The following FRY variants were observed in gnomAD, a reference collection of about 807,000 sequenced individuals.
FRY encodes the protein FRY microtubule binding protein.
In FRY, 128 loss-of-function variants were observed where a neutral mutation model predicts 348.4. The observed-to-expected ratio is 0.37, with a 90% CI of 0.32 to 0.43. The LOEUF (loss-of-function observed/expected upper bound fraction) is 0.43. Ranked by LOEUF, FRY falls within the 20% of genes least tolerant of loss-of-function variation. The pLI is 1.00. For missense variants in FRY, 2,736 were observed against 3,695.2 expected (o/e 0.74, Z 6.73); for synonymous variants, 1,370 against 1,374.7 (o/e 1.00, Z 0.08).
At chr13:32,245,859 A>G (rs935305356) in intron 47 of FRY, among the ~76,000 whole-genome samples, 2 of 152,234 alleles carry the variant, frequency 1.3e-5, no homozygotes, top group Non-Finnish European at 2.9e-5. Context: ...ATTCAAGGGC[A>G]AATGCTAGGT....
intron 25 of FRY, 122 bp downstream of exon 25, chr13:32,184,813 C>A: frequency 2.0e-6 from 2 of 992,750 alleles, no homozygotes; most frequent in East Asian, 4.8e-5. Context: ...TTAGAAAAAT[C>A]CAAAAACTCG....
At chr13:32,203,844 G>C (rs1884190384) in intron 31 of FRY, among the ~76,000 whole-genome samples, 1 of 152,144 alleles carries the variant, frequency 6.6e-6, no homozygotes, top group Non-Finnish European at 1.5e-5. Flanking sequence ...CCTCACCACT[G>C]CTTTGTCCAG....
intron 29 of FRY, among the ~76,000 whole-genome samples, chr13:32,195,241 A>C (rs1883603882): frequency 6.8e-6 from 1 of 147,660 alleles, no homozygotes; most frequent in South Asian, 2.1e-4. Context: ...TAGAGTTTTT[A>C]TTATAGATTT....
chr13:32,106,167 C>T (rs1345722513), intron 3 of FRY, among the ~76,000 whole-genome samples: 2 of 147,088 alleles, frequency 1.4e-5, no homozygotes, highest in Non-Finnish European at 3.0e-5. Context: ...AATATTAATA[C>T]ACTATTATGT....
At chr13:32,200,235 G>C (rs981498848) in intron 29 of FRY, among the ~76,000 whole-genome samples, 2 of 152,028 alleles carry the variant, frequency 1.3e-5, no homozygotes, top group Non-Finnish European at 2.9e-5. Flanking sequence ...GTTCTGGTGG[G>C]GCAAACATTC....
chr13:32,214,062 A>G (rs188923266), intron 35 of FRY, among the ~76,000 whole-genome samples: 155 of 152,376 alleles, frequency 1.0e-3, no homozygotes, highest in Non-Finnish European at 1.6e-3. Flanking sequence ...ATTCACATAT[A>G]TGTGCAAACA....
At chr13:32,263,897 A>G (rs1467112560) in intron 53 of FRY, among the ~76,000 whole-genome samples, 2 of 152,084 alleles carry the variant, frequency 1.3e-5, no homozygotes, top group African/African-American at 4.8e-5. Flanking sequence ...AATCCCAGCT[A>G]CTCAGGAGGC....
At chr13:32,220,180 A>C (rs1345450927) in intron 36 of FRY, among the ~76,000 whole-genome samples, 1 of 152,136 alleles carries the variant, frequency 6.6e-6, no homozygotes, top group African/African-American at 2.4e-5. Context: ...TGGTGCTTTG[A>C]ATTGTTGTTT....
chr13:32,043,059 G>A (rs1238962543), intron 1 of FRY, among the ~76,000 whole-genome samples: 11 of 152,306 alleles, frequency 7.2e-5, no homozygotes, highest in East Asian at 5.8e-4. Context: ...TTGGACTTAC[G>A]TTTCCATGTA....
chr13:32,157,447 A>G (rs1881181307), intron 16 of FRY, 42 bp downstream of exon 16: 1 of 1,563,412 alleles, frequency 6.4e-7, no homozygotes, highest in Non-Finnish European at 8.8e-7. Flanking sequence ...AAGATTAACC[A>G]GAAAACACAA....
intron 49 of FRY, 144 bp from the exon 50 acceptor site, chr13:32,251,734 T>G (rs1395452642): frequency 2.9e-6 from 2 of 678,232 alleles, no homozygotes; most frequent in African/African-American, 3.6e-5. Flanking sequence ...CTATTTGTGT[T>G]CTTTTTTCAT....
chr13:32,290,513 C>T (rs1470540400), intron 59 of FRY, among the ~76,000 whole-genome samples: 1 of 152,006 alleles, frequency 6.6e-6, no homozygotes, highest in African/African-American at 2.4e-5. Context: ...AAAGGAACTA[C>T]AAGCTACTTA....
intron 41 of FRY, among the ~76,000 whole-genome samples, chr13:32,233,400 A>G (rs1886026761): frequency 6.6e-6 from 1 of 152,220 alleles, no homozygotes; most frequent in South Asian, 2.1e-4. Flanking sequence ...CAGCAAGTAT[A>G]TAATTTAATG....
chr13:32,101,832 T>A (rs1177201137), intron 2 of FRY, 131 bp from the exon 3 acceptor site: 8 of 638,750 alleles, frequency 1.3e-5, no homozygotes, highest in Non-Finnish European at 2.3e-5. Context: ...CCTCACTCAT[T>A]TAAAAATTGG....
Position 32,179,685 on chromosome 13 carries a change from C to T in FRY, c.2882C>T (p.Thr961Ile). ...TTCAACTTATTTCAGGCCATAGGCA[C>T]CCCATCGGTGGGAGTTCTGTTAAAG... is the stretch of plus-strand genomic sequence containing the variant. ...TVSYDNKAIGTPSVGVLLKQL... is the reference protein window; with the variant it reads ...TVSYDNKAIGIPSVGVLLKQL... The change falls in exon 23 of 61, where the codon ACC becomes ATC. Residue 961 changes from threonine to isoleucine, a missense_variant. Physicochemically the swap from Thr to Ile is moderately conservative, Grantham distance 89 (BLOSUM62 -1). Transcript: ENST00000542859. The T allele has an allele frequency of 6.2e-7, 1 of 1,613,992 alleles. No homozygotes were observed. Among genetic ancestry groups the T allele is most frequent in the East Asian group, 2.2e-5 (1 of 44,884 alleles).
At chr13:32,096,817 A>G (rs1213108242) in intron 2 of FRY, among the ~76,000 whole-genome samples, 1 of 151,370 alleles carries the variant, frequency 6.6e-6, no homozygotes, top group East Asian at 1.9e-4. Context: ...AAAAAAAAAA[A>G]AAAAAAAAGA....
chr13:32,224,930 T>C lies in FRY; in HGVS notation c.4917-3T>C, dbSNP rs1885502497. On this transcript the variant is annotated splice_region_variant and splice_polypyrimidine_tract_variant and intron_variant, in intron 37 of 60. Coordinates refer to ENST00000542859, the MANE Select transcript of FRY (RefSeq NM_023037.3). ...GCATTAATTTCATTATTTCATTGATTAGGTGCAATATTGCTGTAATTTTTA... is the reference window on the plus strand; with the variant it reads ...GCATTAATTTCATTATTTCATTGATCAGGTGCAATATTGCTGTAATTTTTA... 6.5e-7 allele frequency: 1 copy of C among 1,541,134 alleles called. No homozygotes were observed. The highest frequency in any genetic ancestry group is 1.7e-5 in the Admixed American group (1 of 59,946).
At chr13:32,174,223 T>G (rs1363654376) in intron 19 of FRY, among the ~76,000 whole-genome samples, 1 of 152,244 alleles carries the variant, frequency 6.6e-6, no homozygotes, top group Admixed American at 6.5e-5. Flanking sequence ...GTTTTCTTCT[T>G]TTAAAAATAA....
At chr13:32,268,505 A>AATATATATATATATAT (rs869298149) in intron 55 of FRY, among the ~76,000 whole-genome samples, 34 of 28,166 alleles carry the variant, frequency 1.2e-3, no homozygotes, top group Middle Eastern at 0.056. Flanking sequence ...AAAAAAAAAA[A>AATATATATATATATAT]ATATATATAT....
Sources: gnomAD v4.1 joint callset for allele counts (sites outside exome capture counted in the v4.1 genomes callset) on GRCh38, gnomAD v4.1.1 for gene constraint, MANE v1.5 for transcripts, NCBI Gene and HGNC (gene_info 2026-07-23, HGNC 2026-07-21) for gene names.